KIRREL3: variants seen among roughly 807,000 people sequenced by gnomAD.
KIRREL3 encodes kirre like nephrin family adhesion molecule 3, also known as kin of IRRE-like protein 3.
A neutral mutation model predicts 89.7 loss-of-function variants in KIRREL3; 36 were observed. The ratio of observed to expected loss-of-function variants is 0.40; its 90% confidence interval spans 0.31 to 0.53. KIRREL3 has a LOEUF of 0.53. Among genes scored for constraint, KIRREL3 ranks in the 20% least tolerant of loss-of-function variants. KIRREL3 has a pLI of 0.49. For synonymous variants in KIRREL3, 445 were observed against 441.4 expected (o/e 1.01, Z -0.10); for missense variants, 864 against 1,056.6 (o/e 0.82, Z 2.53).
intron 1 of KIRREL3, among the ~76,000 whole-genome samples, chr11:126,887,116 A>AGG (rs1268549594): frequency 1.3e-5 from 2 of 152,124 alleles, no homozygotes; most frequent in Non-Finnish European, 2.9e-5. Flanking sequence ...AGGTGCATGA[A>AGG]GGGACCCACA....
At position 126,579,533 on chromosome 11, in the gene KIRREL3, G is replaced by T. The variant is rs1361859378; in HGVS notation, c.56-16621C>A. 6.6e-6 allele frequency among the ~76,000 whole-genome samples: 1 copy of T among 152,172 alleles called. No homozygotes were observed. The highest frequency in any genetic ancestry group is 2.4e-5 in the African/African-American group (1 of 41,446). On this transcript the variant is annotated intron_variant, in intron 1 of 16. Transcript: ENST00000525144. This position sits in a 1 kb window ranked among gnomAD's most constrained non-coding sequence, Gnocchi z 5.3. ...ATGAGCAAATGGGGTCCGGGTTCAT[G>T]CAAGAAGCCAGTGGAAGAGGAGAAC...
chr11:126,937,348 C>G (rs1044391698), intron 1 of KIRREL3, among the ~76,000 whole-genome samples: 1 of 152,182 alleles, frequency 6.6e-6, no homozygotes, highest in African/African-American at 2.4e-5. Flanking sequence ...GGGATAATAA[C>G]TTACTTTTGT....
rs180998003 is a variant in KIRREL3, at chr11:126,829,855, G to A, written c.55+170600C>T. Among the ~76,000 whole-genome samples the A allele has an allele frequency of 7.2e-5, 11 of 152,292 alleles. No homozygotes were observed. In the East Asian group the frequency reaches 1.7e-3, roughly 24 times the overall value. ...GAGTGTAACAGAGTCAGACAAGTGC[G>A]ACGGGAATGTAGAGGGAGGTTTTCA... is the stretch of plus-strand genomic sequence containing the variant. On this transcript the variant is annotated intron_variant, in intron 1 of 16. Coordinates refer to ENST00000525144, the MANE Select transcript of KIRREL3 (RefSeq NM_032531.4).
In KIRREL3 at chr11:126,747,937, G is replaced by A. The variant is rs931735697; in HGVS notation, c.56-185025C>T. On this transcript the variant is annotated intron_variant, in intron 1 of 16. Transcript: ENST00000525144. The surrounding 1 kb of genome is among the most constrained non-coding windows in gnomAD (Gnocchi z 4.7). ...TTTCCCTATCCCACAGGGTCTAGAT[G>A]CGGCCTTCCCAGGTGACTTTCTGCT... Among the ~76,000 whole-genome samples, 1 of 152,140 alleles carries A rather than the reference G, an allele frequency of 6.6e-6. No individual in the cohort carries two copies.
rs75204604 is a variant in KIRREL3, at chr11:126,441,367, C to G, written c.1253-818G>C. 6.6e-6 allele frequency among the ~76,000 whole-genome samples: 1 copy of G among 152,204 alleles called. No individual in the cohort carries two copies. Among genetic ancestry groups the G allele is most frequent in the Non-Finnish European group, 1.5e-5 (1 of 68,034 alleles). Reference sequence around the variant, plus strand: ...TTCACCTGGTGGAGGGGAGCCTGTTCCCCAGCGCCTCCTGTCCAGTTCCGC... The same window carrying G: ...TTCACCTGGTGGAGGGGAGCCTGTTGCCCAGCGCCTCCTGTCCAGTTCCGC... On this transcript the variant is annotated intron_variant, in intron 10 of 16. Coordinates refer to ENST00000525144, the MANE Select transcript of KIRREL3 (RefSeq NM_032531.4). This position sits in a 1 kb window ranked among gnomAD's most constrained non-coding sequence, Gnocchi z 5.0.
Position 126,742,781 on chromosome 11 carries a change from G to T in KIRREL3, c.56-179869C>A, listed in dbSNP as rs956800197. On this transcript the variant is annotated intron_variant, in intron 1 of 16. Transcript: ENST00000525144. The surrounding 1 kb of genome is among the most constrained non-coding windows in gnomAD (Gnocchi z 5.3). ...GCTTCAGGGTGAGGTTAGGCAGCTAGAACGTTATTGATCAACAACTTTGCC... is the reference window on the plus strand; with the variant it reads ...GCTTCAGGGTGAGGTTAGGCAGCTATAACGTTATTGATCAACAACTTTGCC... 6.6e-6 allele frequency among the ~76,000 whole-genome samples: 1 copy of T among 152,248 alleles called. No individual in the cohort carries two copies. The highest frequency in any genetic ancestry group is 2.4e-5 in the African/African-American group (1 of 41,472).
At chr11:126,675,748 T>C (rs1323410851) in intron 1 of KIRREL3, among the ~76,000 whole-genome samples, 1 of 152,156 alleles carries the variant, frequency 6.6e-6, no homozygotes, top group East Asian at 1.9e-4. Context: ...AAGCCAAGCA[T>C]AGGAATTTGA....
chr11:126,435,356 G>C (rs1955285302), intron 12 of KIRREL3, 53 bp from the exon 13 acceptor site: 1 of 1,593,352 alleles, frequency 6.3e-7, no homozygotes, highest in South Asian at 1.1e-5. Flanking sequence ...GGCCAGGGTG[G>C]GGTGGGACTG....
At chr11:126,746,318 G>A (rs1949147872) in intron 1 of KIRREL3, among the ~76,000 whole-genome samples, 1 of 152,190 alleles carries the variant, frequency 6.6e-6, no homozygotes, top group Admixed American at 6.5e-5. Flanking sequence ...ATACAACAAA[G>A]TGTGATATGT....
At position 126,805,494 on chromosome 11, in the gene KIRREL3, C is replaced by T. The variant is rs138499842; in HGVS notation, c.55+194961G>A. Among the ~76,000 whole-genome samples the T allele has an allele frequency of 4.6e-5, 7 of 152,294 alleles. No individual in the cohort carries two copies. In the East Asian group the frequency reaches 1.4e-3, roughly 29 times the overall value. On this transcript the variant is annotated intron_variant, in intron 1 of 16. Transcript: ENST00000525144. This position sits in a 1 kb window ranked among gnomAD's most constrained non-coding sequence, Gnocchi z 4.3. Reference sequence around the variant, plus strand: ...TTTGTTCTGAACCCCAAGGTTCAGTCAGGTGCGCTGTCCCATCACAGGAAA... The same window carrying T: ...TTTGTTCTGAACCCCAAGGTTCAGTTAGGTGCGCTGTCCCATCACAGGAAA...
intron 1 of KIRREL3, among the ~76,000 whole-genome samples, chr11:126,585,435 T>G (rs781192035): frequency 6.6e-6 from 1 of 151,280 alleles, no homozygotes; most frequent in African/African-American, 2.4e-5. Context: ...GTTTTCAACC[T>G]GCGGGCCAGG....
chr11:126,838,716 T>C (rs1943858234), intron 1 of KIRREL3, among the ~76,000 whole-genome samples: 1 of 152,172 alleles, frequency 6.6e-6, no homozygotes, highest in Non-Finnish European at 1.5e-5. Flanking sequence ...CAGACAGTGG[T>C]AAATGGAATT....
At chr11:126,967,871 A>C (rs1565464446) in intron 1 of KIRREL3, among the ~76,000 whole-genome samples, 1 of 152,136 alleles carries the variant, frequency 6.6e-6, no homozygotes, top group Non-Finnish European at 1.5e-5. Flanking sequence ...AATGCACAAG[A>C]CAACCCCTCA....
At position 126,562,390 on chromosome 11, in the gene KIRREL3, T is replaced by C. The variant is rs1940192510; in HGVS notation, c.133+445A>G. 6.6e-6 allele frequency among the ~76,000 whole-genome samples: 1 copy of C among 152,188 alleles called. No individual in the cohort carries two copies. Among genetic ancestry groups the C allele is most frequent in the South Asian group, 2.1e-4 (1 of 4,824 alleles). On this transcript the variant is annotated intron_variant, in intron 2 of 16. Transcript: ENST00000525144. The surrounding 1 kb of genome is among the most constrained non-coding windows in gnomAD (Gnocchi z 4.7). Reference sequence around the variant, plus strand: ...GGTAAGTTCTTTGGGAATAAAGACATTGCCATATTCTTCTTTGGTATTCTC... The same window carrying C: ...GGTAAGTTCTTTGGGAATAAAGACACTGCCATATTCTTCTTTGGTATTCTC...
At chr11:126,956,253 A>G (rs1183888868) in intron 1 of KIRREL3, among the ~76,000 whole-genome samples, 1 of 152,146 alleles carries the variant, frequency 6.6e-6, no homozygotes, top group Non-Finnish European at 1.5e-5. Context: ...TCCCCTTCCC[A>G]ATGCCTCCTG....
chr11:126,542,985 A>G (rs1938492629), intron 2 of KIRREL3, among the ~76,000 whole-genome samples: 1 of 152,074 alleles, frequency 6.6e-6, no homozygotes, highest in South Asian at 2.1e-4. Flanking sequence ...TACCTAATCC[A>G]CCTTCATAGC....
At chr11:126,592,968 G>A (rs1228572323) in intron 1 of KIRREL3, among the ~76,000 whole-genome samples, 1 of 152,116 alleles carries the variant, frequency 6.6e-6, no homozygotes, top group Non-Finnish European at 1.5e-5. Flanking sequence ...GCTGGGGTGG[G>A]AGGGCTGAGG....
chr11:126,445,030 C>T lies in KIRREL3; in HGVS notation c.1201G>A (p.Val401Met), dbSNP rs1185205763. 6.2e-7 allele frequency: 1 copy of T among 1,613,980 alleles called. No individual in the cohort carries two copies. Reference protein sequence around the residue: ...EDAGKYVCRAVVPRVGAGERE... With the variant: ...EDAGKYVCRAMVPRVGAGERE... ...TCCCCGGCTCCCACACGGGGCACCA[C>T]AGCCCGGCACACGTACTTGCCCGCG... is the stretch of plus-strand genomic sequence containing the variant. Residue 401 changes from valine to methionine, a missense_variant, in exon 10 of 17, where the codon GTG (valine) becomes ATG (methionine). Transcript: ENST00000525144.
rs1955931748 is a variant in KIRREL3, at chr11:126,449,124, T to A, written c.882A>T (p.Ala294=). Residue 294 remains alanine (A), a synonymous_variant, in exon 8 of 17, where the codon GCA becomes GCT. Coordinates refer to ENST00000525144, the MANE Select transcript of KIRREL3 (RefSeq NM_032531.4). ...WAKRGQIIKE[A]SGEVYRTTVD... is the part of the protein sequence containing the mutation. ...CTGTGGTCCTGTACACCTCTCCAGA[T>A]GCCTCCTTGATGATCTGGCCCCGCT... The A allele has an allele frequency of 6.2e-7, 1 of 1,613,968 alleles. No homozygotes were observed. The highest frequency in any genetic ancestry group is 8.5e-7 in the Non-Finnish European group (1 of 1,179,850).
Sources: allele counts gnomAD v4.1 joint callset (sites outside exome capture counted in the v4.1 genomes callset), GRCh38; gene constraint gnomAD v4.1.1; non-coding constraint Gnocchi (gnomAD v3.1); transcripts MANE v1.5; gene names NCBI Gene and HGNC (gene_info 2026-07-23, HGNC 2026-07-21).